Variants in SH3BP2 observed in about 807,000 individuals in gnomAD.
SH3BP2 encodes the protein SH3 domain-binding protein 2.
In SH3BP2, 38 loss-of-function variants were observed where a neutral mutation model predicts 56.2. The observed-to-expected ratio is 0.68, with a 90% CI of 0.52 to 0.89. The LOEUF (loss-of-function observed/expected upper bound fraction) is 0.89. SH3BP2 is among the 40% of genes least tolerant of loss of function. The pLI is 0.00. For missense variants in SH3BP2, 748 were observed against 762.6 expected (o/e 0.98, Z 0.23); for synonymous variants, 346 against 316.7 (o/e 1.09, Z -0.98).
At chr4:2,818,576 G>A (rs1577352848) in intron 1 of SH3BP2, 1 of 503,926 alleles carries the variant, frequency 2.0e-6, no homozygotes, top group Non-Finnish European at 2.7e-6. Context: ...ACTCAGGCCG[G>A]CACGGGGCTT....
At chr4:2,815,667 C>T (rs1577350018) in intron 1 of SH3BP2, among the ~76,000 whole-genome samples, 3 of 152,194 alleles carry the variant, frequency 2.0e-5, no homozygotes, top group Admixed American at 2.0e-4. Context: ...TTTTGGGTGG[C>T]GGGGGCACAG....
At position 2,830,083 on chromosome 4, in the gene SH3BP2, C is replaced by T. The variant is rs1254015154; in HGVS notation, c.1177C>T (p.Pro393Ser). Residue 393 changes from proline to serine, a missense_variant, in exon 8 of 13, where the codon CCT becomes TCT. Physicochemically the swap from Pro to Ser is moderately conservative, Grantham distance 74. Coordinates refer to ENST00000503393, the MANE Select transcript of SH3BP2 (RefSeq NM_001122681.2). ...PRPPALKLPV[P>S]EAMARPAVLP... is the part of the protein sequence containing the mutation. ...GCCTCCTGCGCTGAAGCTGCCAGTGCCTGAGGCCATGGCGCGGCCCGCAGT... is the reference window on the plus strand; with the variant it reads ...GCCTCCTGCGCTGAAGCTGCCAGTGTCTGAGGCCATGGCGCGGCCCGCAGT... 6.2e-7 allele frequency: 1 copy of T among 1,609,906 alleles called. No individual in the cohort carries two copies. Among genetic ancestry groups the T allele is most frequent in the Non-Finnish European group, 8.5e-7 (1 of 1,179,290 alleles).
At chr4:2,826,201 G>C (rs948930884) in intron 5 of SH3BP2, 3 of 156,466 alleles carry the variant, frequency 1.9e-5, no homozygotes, top group East Asian at 3.8e-4. Flanking sequence ...CAGTTCTTCT[G>C]TCTGTCCTTG....
At chr4:2,833,614 T>C in intron 12 of SH3BP2, 83 bp from the exon 13 acceptor site, 2 of 1,538,212 alleles carry the variant, frequency 1.3e-6, no homozygotes, top group Non-Finnish European at 1.8e-6. Flanking sequence ...TGCTGCTGCC[T>C]TGTTTTACAG....
chr4:2,820,731 T>C lies in SH3BP2; in HGVS notation c.114T>C (p.Gly38=), dbSNP rs766841076. 7.4e-6 allele frequency: 12 copies of C among 1,613,754 alleles called. No individual in the cohort carries two copies. The South Asian group carries it at 8.8e-5, about 12-fold the overall frequency. Residue 38 remains glycine, a synonymous_variant, in exon 2 of 13, where the codon GGT becomes GGC. Transcript: ENST00000503393. ...AKAGYLHKKG[G]TQLQLLKWPL... ...CTGGCTACCTGCACAAGAAGGGCGG[T>C]ACCCAGCTGCAGCTGCTGAAATGTG...
chr4:2,818,891 G>T, intron 1 of SH3BP2: 1 of 985,546 alleles, frequency 1.0e-6, no homozygotes, highest in Non-Finnish European at 1.2e-6. Context: ...TTTGTTGGAG[G>T]GTGCTGGTTT....
intron 1 of SH3BP2, among the ~76,000 whole-genome samples, chr4:2,798,349 GGCAA>G (rs1348709915): frequency 6.6e-6 from 1 of 152,240 alleles, no homozygotes; most frequent in East Asian, 1.9e-4. Flanking sequence ...TGGCACCTGA[GGCAA>G]GTCCAAGCAA....
intron 12 of SH3BP2, 128 bp from the exon 13 acceptor site, chr4:2,833,569 A>G: frequency 7.8e-7 from 1 of 1,278,266 alleles, no homozygotes; most frequent in African/African-American, 1.5e-5. Flanking sequence ...GGCACCACCG[A>G]CAGCCAGGGG....
intron 1 of SH3BP2, among the ~76,000 whole-genome samples, chr4:2,813,524 C>G (rs1318716779): frequency 1.3e-5 from 2 of 152,120 alleles, no homozygotes; most frequent in Non-Finnish European, 2.9e-5. Context: ...TCAGGTGGAC[C>G]CTGGTCGATT....
At chr4:2,794,655 G>T (rs113291462) in intron 1 of SH3BP2, among the ~76,000 whole-genome samples, 5,833 of 152,354 alleles carry the variant, frequency 0.038, 197 homozygotes, top group African/African-American at 0.088. Flanking sequence ...GGTGAGAGGG[G>T]TGCTGACAGG....
intron 1 of SH3BP2, chr4:2,793,730 G>C (rs1031246040): frequency 1.3e-5 from 2 of 152,210 alleles, no homozygotes; most frequent in Non-Finnish European, 2.9e-5. Context: ...AAGAAAAGCC[G>C]CCCACTGGCG....
chr4:2,818,608 C>T (rs947162343), intron 1 of SH3BP2: 9 of 643,274 alleles, frequency 1.4e-5, no homozygotes, highest in Admixed American at 1.1e-4. Flanking sequence ...GGCAGCTCCC[C>T]GCGGGCGGAC....
At chr4:2,814,258 CAG>C (rs1723893436) in intron 1 of SH3BP2, among the ~76,000 whole-genome samples, 3 of 152,218 alleles carry the variant, frequency 2.0e-5, no homozygotes, top group Admixed American at 6.5e-5. Flanking sequence ...ACACACGCCA[CAG>C]GGCTCATGGG....
intron 11 of SH3BP2, among the ~76,000 whole-genome samples, chr4:2,832,720 G>A (rs951315260): frequency 5.3e-5 from 8 of 152,230 alleles, no homozygotes; most frequent in African/African-American, 1.4e-4. Context: ...CCCTCCGAGC[G>A]TGAAGTTGTG....
intron 1 of SH3BP2, chr4:2,799,029 A>G (rs1723153600): frequency 1.0e-6 from 1 of 985,516 alleles, no homozygotes. Context: ...AGCCGGCGTC[A>G]GGTCATCGAG....
intron 1 of SH3BP2, chr4:2,815,013 CTGG>C: frequency 1.3e-5 from 2 of 152,418 alleles, no homozygotes; most frequent in Middle Eastern, 6.8e-3. Flanking sequence ...CCAGGGAGGC[CTGG>C]CCAGCTAGGA....
chr4:2,813,231 C>T (rs1285901273), intron 1 of SH3BP2, among the ~76,000 whole-genome samples: 2 of 152,248 alleles, frequency 1.3e-5, no homozygotes, highest in Non-Finnish European at 2.9e-5. Context: ...GCACATCCCA[C>T]GCCCACCACC....
chr4:2,810,715 C>T lies in SH3BP2; in HGVS notation c.-4-9899C>T, dbSNP rs1479972248. On this transcript the variant is annotated intron_variant, in intron 1 of 12. Transcript: ENST00000503393. The surrounding 1 kb of genome is among the most constrained non-coding windows in gnomAD (Gnocchi z 4.2). The stretch of plus-strand genomic sequence containing the variant: ...TTCCTCCTCTATCAAAGCTGGGCCC[C>T]TCCTCTGGGAGGCGTTCCCCAGTCC... Among the ~76,000 whole-genome samples the T allele has an allele frequency of 1.3e-5, 2 of 152,106 alleles. No individual in the cohort carries two copies. The highest frequency in any genetic ancestry group is 4.8e-5 in the African/African-American group (2 of 41,426).
At chr4:2,830,517 A>G (rs1321556790) in intron 8 of SH3BP2, among the ~76,000 whole-genome samples, 2 of 152,152 alleles carry the variant, frequency 1.3e-5, no homozygotes, top group African/African-American at 4.8e-5. Flanking sequence ...ACCTGCCAAC[A>G]CGCCCGGCTA....
Sources: allele counts gnomAD v4.1 joint callset (sites outside exome capture counted in the v4.1 genomes callset), GRCh38; gene constraint gnomAD v4.1.1; non-coding constraint Gnocchi (gnomAD v3.1); transcripts MANE v1.5; gene names NCBI Gene and HGNC (gene_info 2026-07-23, HGNC 2026-07-21).